The following CALN1 variants were observed in gnomAD, a reference collection of about 807,000 sequenced individuals.
The protein encoded by CALN1 is calcium-binding protein 8.
Under a neutral mutation model 30.6 loss-of-function variants are expected in CALN1, and 17 were observed. That is an observed-to-expected ratio of 0.56 (90% CI 0.38 to 0.83). The LOEUF (loss-of-function observed/expected upper bound fraction) is 0.83, where lower values mean the gene tolerates loss of function less well. Among genes scored for constraint, CALN1 ranks in the 40% least tolerant of loss-of-function variants. The probability of loss-of-function intolerance (pLI) is 0.00; values close to 1 mark genes in which losing one functional copy is unlikely to be tolerated. For missense variants in CALN1, 291 were observed against 354.9 expected, an observed-to-expected ratio of 0.82 and a Z score of 1.45; for synonymous variants, 156 against 131.4, an observed-to-expected ratio of 1.19 and a Z score of -1.28.
At chr7:72,107,238 C>T (rs1042902520) in intron 3 of CALN1, among the ~76,000 whole-genome samples, 3 of 152,124 alleles carry the variant, frequency 2.0e-5, no homozygotes, top group South Asian at 2.1e-4. Flanking sequence ...GAGAATGCAG[C>T]TCCCCTCTGC....
At chr7:72,369,397 CTTG>C (rs1292648009) in intron 2 of CALN1, among the ~76,000 whole-genome samples, 1 of 145,614 alleles carries the variant, frequency 6.9e-6, no homozygotes, top group East Asian at 2.0e-4. Flanking sequence ...GAGTTTCACT[CTTG>C]TTGTCCAGGC....
intron 3 of CALN1, among the ~76,000 whole-genome samples, chr7:72,251,893 C>A (rs1795587689): frequency 6.6e-6 from 1 of 152,114 alleles, no homozygotes; most frequent in South Asian, 2.1e-4. Flanking sequence ...TTATTTCTTA[C>A]AATTGCATGT....
At chr7:71,911,206 C>T (rs1393233582) in intron 5 of CALN1, among the ~76,000 whole-genome samples, 2 of 152,200 alleles carry the variant, frequency 1.3e-5, no homozygotes, top group South Asian at 2.1e-4. Flanking sequence ...AAACCCAAAC[C>T]AGGCCCCACA....
At chr7:72,089,866 G>C (rs1204201114) in intron 4 of CALN1, among the ~76,000 whole-genome samples, 1 of 152,106 alleles carries the variant, frequency 6.6e-6, no homozygotes, top group African/African-American at 2.4e-5. Context: ...AGGGCTACAA[G>C]GCACATGGGT....
intron 2 of CALN1, among the ~76,000 whole-genome samples, chr7:72,385,414 G>A (rs935312958): frequency 6.6e-6 from 1 of 152,096 alleles, no homozygotes; most frequent in Non-Finnish European, 1.5e-5. Context: ...CCTTTAATAA[G>A]TGAACGGATA....
At chr7:72,302,491 A>G (rs1169109902) in intron 2 of CALN1, among the ~76,000 whole-genome samples, 6 of 152,192 alleles carry the variant, frequency 3.9e-5, no homozygotes, top group African/African-American at 1.2e-4. Flanking sequence ...AGAGGCTTAG[A>G]AAGTTTACAA....
At chr7:72,376,624 T>C (rs1368783322) in intron 2 of CALN1, among the ~76,000 whole-genome samples, 1 of 152,232 alleles carries the variant, frequency 6.6e-6, no homozygotes, top group Non-Finnish European at 1.5e-5. Context: ...ATAATGTACT[T>C]TACTTGCAAA....
At chr7:72,330,817 T>G (rs1180332393) in intron 2 of CALN1, among the ~76,000 whole-genome samples, 1 of 152,208 alleles carries the variant, frequency 6.6e-6, no homozygotes, top group African/African-American at 2.4e-5. Flanking sequence ...AATAGCCTGG[T>G]CATGGAGAGC....
chr7:72,501,370 TAAAAAAAAAAAA>T, the CALN1 span, among the ~76,000 whole-genome samples: 6 of 42,812 alleles, frequency 1.4e-4, no homozygotes, highest in African/African-American at 2.0e-4. Context: ...ACGTCTCTAT[TAAAAAAAAAAAA>T]AAAAAAAAAA....
intron 1 of CALN1, among the ~76,000 whole-genome samples, chr7:72,435,454 G>T (rs917663931): frequency 6.6e-6 from 1 of 152,144 alleles, no homozygotes; most frequent in Non-Finnish European, 1.5e-5. Context: ...CTGGAGAAAC[G>T]CAAGGCCCCA....
At chr7:72,195,567 T>TG (rs1353245069) in intron 3 of CALN1, among the ~76,000 whole-genome samples, 3 of 152,100 alleles carry the variant, frequency 2.0e-5, no homozygotes, top group African/African-American at 7.2e-5. Flanking sequence ...TTTTTAAGGA[T>TG]GGGGTCTCAC....
chr7:72,400,389 G>C (rs1005425418), intron 2 of CALN1, among the ~76,000 whole-genome samples: 2 of 152,116 alleles, frequency 1.3e-5, no homozygotes, highest in African/African-American at 2.4e-5. Flanking sequence ...TCTTCATATG[G>C]ACAGAGAAAC....
chr7:71,996,089 G>A (rs191486709), intron 5 of CALN1, among the ~76,000 whole-genome samples: 3 of 152,194 alleles, frequency 2.0e-5, no homozygotes, highest in East Asian at 3.9e-4. Context: ...CACCATAAAG[G>A]CACTGCAAAC....
chr7:72,246,630 G>A (rs1298536201), intron 3 of CALN1, among the ~76,000 whole-genome samples: 1 of 152,098 alleles, frequency 6.6e-6, no homozygotes, highest in Non-Finnish European at 1.5e-5. Context: ...CCTCAAAGTG[G>A]ACAGGAGAAA....
intron 3 of CALN1, among the ~76,000 whole-genome samples, chr7:72,211,946 C>T (rs1343306351): frequency 6.6e-6 from 1 of 152,154 alleles, no homozygotes. Flanking sequence ...TAAACTGTTT[C>T]ATGTAAGACT....
intron 2 of CALN1, chr7:72,336,999 T>C: frequency 4.1e-6 from 4 of 985,482 alleles, no homozygotes; most frequent in Non-Finnish European, 4.8e-6. Flanking sequence ...CCTTGTCCTC[T>C]GCTCTCGTCT....
chr7:72,379,358 CTAAA>C (rs1002320927), intron 2 of CALN1, among the ~76,000 whole-genome samples: 20 of 152,106 alleles, frequency 1.3e-4, no homozygotes, highest in Non-Finnish European at 2.2e-4. Context: ...GGGTTAAACC[CTAAA>C]TAAAGTATAT....
At chr7:72,026,433 A>G (rs1346417728) in intron 4 of CALN1, among the ~76,000 whole-genome samples, 1 of 151,994 alleles carries the variant, frequency 6.6e-6, no homozygotes, top group African/African-American at 2.4e-5. Flanking sequence ...AAAAAATACA[A>G]TAATTAGCTG....
chr7:72,473,319 C>T, the CALN1 span, among the ~76,000 whole-genome samples: 1 of 151,950 alleles, frequency 6.6e-6, no homozygotes, highest in Non-Finnish European at 1.5e-5. Flanking sequence ...TCTCAGGGTG[C>T]CCATCTGAGC....
Sources: gnomAD v4.1 joint callset for allele counts (sites outside exome capture counted in the v4.1 genomes callset) on GRCh38, gnomAD v4.1.1 for gene constraint, MANE v1.5 for transcripts, NCBI Gene and HGNC (gene_info 2026-07-23, HGNC 2026-07-21) for gene names.